SH2B3: variants seen among roughly 807,000 people sequenced by gnomAD.
The protein encoded by SH2B3 is SH2B adaptor protein 3.
In SH2B3, 43 loss-of-function variants were observed where a neutral mutation model predicts 51.9. That is an observed-to-expected ratio of 0.83 (90% CI 0.65 to 1.07). SH2B3 has a LOEUF of 1.07. Ranked by LOEUF, SH2B3 falls within the 50% of genes least tolerant of loss-of-function variation. SH2B3 has a pLI of 0.00. For synonymous variants in SH2B3, 396 were observed against 376.0 expected, an observed-to-expected ratio of 1.05 and a Z score of -0.62; for missense variants, 952 against 834.3, an observed-to-expected ratio of 1.14 and a Z score of -1.74.
intron 2 of SH2B3, among the ~76,000 whole-genome samples, chr12:111,419,254 G>GAC (rs1871351581): frequency 6.6e-6 from 1 of 152,128 alleles, no homozygotes; most frequent in Admixed American, 6.5e-5. Flanking sequence ...AGTGAGCCGT[G>GAC]ATCATGCCAA....
Position 111,418,952 on chromosome 12 carries a change from G to T in SH2B3, c.732+75G>T. 7.7e-7 allele frequency: 1 copy of T among 1,302,070 alleles called. No homozygotes were observed. Among genetic ancestry groups the T allele is most frequent in the Non-Finnish European group, 9.8e-7 (1 of 1,017,728 alleles). 80.7% of individuals were successfully genotyped at this position (1,302,070 alleles called of 1,614,324 possible). ...TTCACCCTGGGGAGAGCGCGGGCTG[G>T]GGAGGTGTGATGGCTTTCCAGCTGG... On this transcript the variant is annotated intron_variant, in intron 2 of 7. Coordinates refer to ENST00000341259, the MANE Select transcript of SH2B3 (RefSeq NM_005475.3). The surrounding 1 kb of genome is among the most constrained non-coding windows in gnomAD (Gnocchi z 6.7).
chr12:111,418,262 G>C lies in SH2B3; in HGVS notation c.117G>C (p.Arg39=). The change falls in exon 2 of 8, where the codon CGG becomes CGC. Residue 39 remains arginine, a synonymous_variant. Transcript: ENST00000341259. This position sits in a 1 kb window ranked among gnomAD's most constrained non-coding sequence, Gnocchi z 6.7. ...FCELHAVAAA[R]ELARQYWLFA... ...AGTTGCACGCCGTAGCGGCGGCCCGGGAGCTGGCCCGCCAGTACTGGCTGT... is the reference window on the plus strand; with the variant it reads ...AGTTGCACGCCGTAGCGGCGGCCCGCGAGCTGGCCCGCCAGTACTGGCTGT... The C allele has an allele frequency of 6.5e-7, 1 of 1,533,382 alleles. No homozygotes were observed. Among genetic ancestry groups the C allele is most frequent in the Non-Finnish European group, 8.7e-7 (1 of 1,146,392 alleles). The allele number at this position is 1,533,382 out of a possible 1,614,324, so 95.0% of individuals were successfully genotyped here.
rs541930505 is a variant in SH2B3, at chr12:111,410,404, T to C, written c.-28+4127T>C. On this transcript the variant is annotated intron_variant, in intron 1 of 7. Coordinates refer to ENST00000341259, the MANE Select transcript of SH2B3 (RefSeq NM_005475.3). This position sits in a 1 kb window ranked among gnomAD's most constrained non-coding sequence, Gnocchi z 4.9. ...GAGGTTCACCCACAGGCTGCCCTCC[T>C]AGGGTCTCCCCTGTCTGCCCTCAAC... Among the ~76,000 whole-genome samples the C allele has an allele frequency of 6.6e-6, 1 of 152,152 alleles. No individual in the cohort carries two copies. The highest frequency in any genetic ancestry group is 2.4e-5 in the African/African-American group (1 of 41,540).
intron 2 of SH2B3, among the ~76,000 whole-genome samples, chr12:111,420,756 A>G (rs1388486710): frequency 3.3e-5 from 5 of 152,236 alleles, no homozygotes; most frequent in Non-Finnish European, 7.3e-5. Flanking sequence ...CCCACAGATG[A>G]GCATGGAATT....
In SH2B3 at chr12:111,451,160, T is replaced by C. The variant is rs533694963; in HGVS notation, c.*2858T>C. On this transcript the variant is annotated 3_prime_UTR_variant, in exon 8 of 8. Coordinates refer to ENST00000341259, the MANE Select transcript of SH2B3 (RefSeq NM_005475.3). Reference sequence around the variant, plus strand: ...TAGACCAGCAATCCATATGGCTTTATCTGGTATAAATCTTCTGCCTTTGAT... The same window carrying C: ...TAGACCAGCAATCCATATGGCTTTACCTGGTATAAATCTTCTGCCTTTGAT... The C allele has an allele frequency of 6.5e-6, 1 of 152,788 alleles. No homozygotes were observed. Among genetic ancestry groups the C allele is most frequent in the South Asian group, 2.1e-4 (1 of 4,832 alleles). The allele number at this position is 152,788 out of a possible 1,614,324, so 9.5% of individuals were successfully genotyped here. A position where few individuals can be genotyped will look rare whatever the true frequency, so the allele number is the denominator to read the frequency against.
At chr12:111,431,514 A>C (rs772907455) in intron 2 of SH2B3, among the ~76,000 whole-genome samples, 1 of 151,744 alleles carries the variant, frequency 6.6e-6, no homozygotes, top group African/African-American at 2.4e-5. Context: ...GTAACAGAAA[A>C]ACCTCCCACA....
chr12:111,447,899 CA>C, intron 7 of SH2B3, 72 bp downstream of exon 7: 1 of 1,559,852 alleles, frequency 6.4e-7, no homozygotes, highest in Non-Finnish European at 8.8e-7. Context: ...GCTGCAGACC[CA>C]GGGGTACAGG....
chr12:111,431,007 G>A (rs1257884107), intron 2 of SH2B3, among the ~76,000 whole-genome samples: 3 of 140,840 alleles, frequency 2.1e-5, no homozygotes, highest in South Asian at 5.3e-4. Flanking sequence ...AGAGGTCTCC[G>A]AGTGCCGGCC....
chr12:111,446,663 G>C lies in SH2B3; in HGVS notation c.733-90G>C, dbSNP rs1299028076. Reference sequence around the variant, plus strand: ...CCATGGATACTCTCTCTAAAAGGGGGACTCCTGGGGAGACTATAGACAAAC... The same window carrying C: ...CCATGGATACTCTCTCTAAAAGGGGCACTCCTGGGGAGACTATAGACAAAC... On this transcript the variant is annotated intron_variant, in intron 2 of 7. Coordinates refer to ENST00000341259, the MANE Select transcript of SH2B3 (RefSeq NM_005475.3). The C allele has an allele frequency of 4.4e-6, 3 of 685,162 alleles. No individual in the cohort carries two copies. The African/African-American group carries it at 5.5e-5, about 12-fold the overall frequency. The allele number at this position is 685,162 out of a possible 1,614,324, so 42.4% of individuals were successfully genotyped here. A position where few individuals can be genotyped will look rare whatever the true frequency, so the allele number is the denominator to read the frequency against.
chr12:111,448,277 T>C lies in SH2B3; in HGVS notation c.1703T>C (p.Ile568Thr), dbSNP rs199803113. ...TCCTCCCGGAGCCACCTGCGGGCCA[T>C]AGACAATCAGTACACACCTCTCTGA... ...DSSSRSHLRA[I>T]DNQYTPL is the part of the protein sequence containing the mutation. The change falls in exon 8 of 8, where the codon ATA becomes ACA. Residue 568 changes from isoleucine to threonine, a missense_variant. By Grantham distance (89) the Ile-to-Thr change is moderately conservative. Transcript: ENST00000341259. 425 of 1,613,418 alleles carry C rather than the reference T, an allele frequency of 2.6e-4. No individual in the cohort carries two copies. The highest frequency in any genetic ancestry group is 2.6e-3 in the East Asian group (118 of 44,862).
In SH2B3 at chr12:111,418,348, C is replaced by T; in HGVS notation, c.203C>T (p.Thr68Ile). 2 of 1,523,250 alleles carry T rather than the reference C, an allele frequency of 1.3e-6. No homozygotes were observed. Among genetic ancestry groups the T allele is most frequent in the Non-Finnish European group, 1.8e-6 (2 of 1,141,022 alleles). The allele number at this position is 1,523,250 out of a possible 1,614,324, so 94.4% of individuals were successfully genotyped here. Residue 68 changes from threonine to isoleucine, a missense_variant, in exon 2 of 8, where the codon ACC becomes ATC. By Grantham distance (89) the Thr-to-Ile change is moderately conservative. Transcript: ENST00000341259. The surrounding 1 kb of genome is among the most constrained non-coding windows in gnomAD (Gnocchi z 6.7). ...LRAELVSLQF[T>I]DLFQRYFCRE... ...GCCGAGCTGGTGTCGCTGCAGTTCA[C>T]CGACCTCTTCCAGCGCTACTTCTGC...
intron 2 of SH2B3, among the ~76,000 whole-genome samples, chr12:111,436,724 A>G (rs936127024): frequency 2.6e-5 from 4 of 151,630 alleles, no homozygotes; most frequent in Non-Finnish European, 5.9e-5. Context: ...TGCCATCATG[A>G]TTCTGTCTTG....
chr12:111,422,432 CAT>C (rs1326195310), intron 2 of SH2B3, among the ~76,000 whole-genome samples: 1 of 152,122 alleles, frequency 6.6e-6, no homozygotes, highest in Non-Finnish European at 1.5e-5. Context: ...TTGTGAAGTA[CAT>C]GTTTTTATTG....
chr12:111,435,250 T>C lies in SH2B3; in HGVS notation c.733-11503T>C, dbSNP rs1872770302. On this transcript the variant is annotated intron_variant, in intron 2 of 7. Coordinates refer to ENST00000341259, the MANE Select transcript of SH2B3 (RefSeq NM_005475.3). This position sits in a 1 kb window ranked among gnomAD's most constrained non-coding sequence, Gnocchi z 4.8. ...AGGGGGATGGGCCGTCGGTGCCCCA[T>C]TCAAGCCTGGGGACCTGGCCCCACT... Among the ~76,000 whole-genome samples the C allele has an allele frequency of 1.3e-5, 2 of 152,200 alleles. No individual in the cohort carries two copies.
rs1418415269 is a variant in SH2B3 at position 111,448,130 on chromosome 12, C to T, written c.1556C>T (p.Ser519Phe). Residue 519 changes from serine to phenylalanine, a missense_variant, in exon 8 of 8, where the codon TCC (serine) becomes TTC (phenylalanine). Physicochemically the swap from Ser to Phe is radical, Grantham distance 155 (BLOSUM62 -2). Transcript: ENST00000341259. ...GLSPEGLPGR[S>F]SPPEQIFHLV... ...AGCCCAGAGGGTCTCCCAGGGCGAT[C>T]CTCACCCCCCGAGCAGATCTTCCAC... 2 of 1,614,156 alleles carry T rather than the reference C, an allele frequency of 1.2e-6. No individual in the cohort carries two copies. Among genetic ancestry groups the T allele is most frequent in the Non-Finnish European group, 1.7e-6 (2 of 1,180,008 alleles).
chr12:111,427,108 G>A lies in SH2B3; in HGVS notation c.732+8231G>A, dbSNP rs143891424. On this transcript the variant is annotated intron_variant, in intron 2 of 7. Coordinates refer to ENST00000341259, the MANE Select transcript of SH2B3 (RefSeq NM_005475.3). ...CTCTTATGGAATCCGGGGATCGGCC[G>A]GGCACGGTGGCTCATACCTGTAATC... Among the ~76,000 whole-genome samples, 9 of 152,148 alleles carry A rather than the reference G, an allele frequency of 5.9e-5. No homozygotes were observed. In the East Asian group the frequency reaches 1.4e-3, roughly 23 times the overall value.
At chr12:111,444,282 C>T (rs1873711464) in intron 2 of SH2B3, 1 of 152,194 alleles carries the variant, frequency 6.6e-6, no homozygotes, top group Non-Finnish European at 1.5e-5. Context: ...AAATACAAGT[C>T]CTACCGTTGG....
At chr12:111,445,155 A>C (rs977974620) in intron 2 of SH2B3, among the ~76,000 whole-genome samples, 2 of 152,116 alleles carry the variant, frequency 1.3e-5, no homozygotes, top group African/African-American at 4.8e-5. Flanking sequence ...GACACTGGGG[A>C]CTAGGCCTGG....
chr12:111,443,155 TC>T (rs1238022343), intron 2 of SH2B3, among the ~76,000 whole-genome samples: 2 of 152,194 alleles, frequency 1.3e-5, no homozygotes, highest in African/African-American at 4.8e-5. Flanking sequence ...CTCCAGCCCG[TC>T]ACATTCCCTC....
Sources: gnomAD v4.1 joint callset for allele counts (sites outside exome capture counted in the v4.1 genomes callset) on GRCh38, gnomAD v4.1.1 for gene constraint, Gnocchi (gnomAD v3.1) non-coding constraint, MANE v1.5 for transcripts, NCBI Gene and HGNC (gene_info 2026-07-23, HGNC 2026-07-21) for gene names.